GPC6: variants seen among roughly 807,000 people sequenced by gnomAD.
The protein encoded by GPC6 is glypican-6.
GPC6 carries 14 observed loss-of-function variants against 55.2 expected under a neutral mutation model. The ratio of observed to expected loss-of-function variants is 0.25; its 90% confidence interval spans 0.17 to 0.40. GPC6 has a LOEUF of 0.40. Among genes scored for constraint, GPC6 ranks in the 10% least tolerant of loss-of-function variants. The pLI is 1.00. For missense variants in GPC6, 641 were observed against 708.5 expected (o/e 0.90, Z 1.08); for synonymous variants, 278 against 259.6 (o/e 1.07, Z -0.68).
chr13:93,958,461 C>T (rs1879613200), intron 3 of GPC6, among the ~76,000 whole-genome samples: 1 of 152,096 alleles, frequency 6.6e-6, no homozygotes, highest in Admixed American at 6.6e-5. Context: ...GAGTCCTTTT[C>T]CCATTGCTCG....
chr13:94,244,746 T>C (rs1891149387), intron 4 of GPC6, among the ~76,000 whole-genome samples: 1 of 152,072 alleles, frequency 6.6e-6, no homozygotes, highest in South Asian at 2.1e-4. Flanking sequence ...TGTGATTTTT[T>C]TTAAATATGA....
At chr13:93,914,321 GT>G (rs1222798873) in intron 3 of GPC6, among the ~76,000 whole-genome samples, 2 of 151,924 alleles carry the variant, frequency 1.3e-5, no homozygotes, top group African/African-American at 4.8e-5. Context: ...GCGGTGTTTG[GT>G]TTTTTTGTCC....
At chr13:93,959,281 G>C (rs1245498607) in intron 3 of GPC6, among the ~76,000 whole-genome samples, 2 of 151,658 alleles carry the variant, frequency 1.3e-5, no homozygotes, top group African/African-American at 2.4e-5. Flanking sequence ...TCCTGCCTCA[G>C]CCTCCCAAGT....
At chr13:94,280,119 G>A (rs1043070652) in intron 4 of GPC6, among the ~76,000 whole-genome samples, 3 of 152,068 alleles carry the variant, frequency 2.0e-5, no homozygotes, top group Non-Finnish European at 2.9e-5. Flanking sequence ...ATAAATCTGG[G>A]TGCTCTTTGA....
At chr13:94,232,514 C>T (rs1437376278) in intron 4 of GPC6, among the ~76,000 whole-genome samples, 3 of 152,066 alleles carry the variant, frequency 2.0e-5, no homozygotes, top group Non-Finnish European at 4.4e-5. Flanking sequence ...CAATTGCCCC[C>T]CTTCAGGAGG....
At chr13:94,271,582 C>G (rs1892027902) in intron 4 of GPC6, among the ~76,000 whole-genome samples, 2 of 152,074 alleles carry the variant, frequency 1.3e-5, no homozygotes, top group African/African-American at 4.8e-5. Context: ...GTTTCCCCAA[C>G]CATTAAAGAG....
At chr13:93,321,345 C>G (rs1391017305) in intron 1 of GPC6, among the ~76,000 whole-genome samples, 1 of 152,098 alleles carries the variant, frequency 6.6e-6, no homozygotes, top group African/African-American at 2.4e-5. Flanking sequence ...TCCCTCCCCT[C>G]CATTTTCCTT....
At chr13:94,041,828 T>C (rs948318393) in intron 4 of GPC6, among the ~76,000 whole-genome samples, 1 of 151,906 alleles carries the variant, frequency 6.6e-6, no homozygotes, top group Non-Finnish European at 1.5e-5. Context: ...AATTATTTTT[T>C]AGCATTTGTT....
intron 2 of GPC6, among the ~76,000 whole-genome samples, chr13:93,767,904 A>C (rs2138887469): frequency 6.6e-6 from 1 of 152,264 alleles, no homozygotes; most frequent in South Asian, 2.1e-4. Flanking sequence ...TCTTCAAGCA[A>C]AAATTTAGTC....
At chr13:94,166,897 C>A (rs1383079068) in intron 4 of GPC6, among the ~76,000 whole-genome samples, 1 of 152,144 alleles carries the variant, frequency 6.6e-6, no homozygotes, top group Non-Finnish European at 1.5e-5. Context: ...GAATTACCTA[C>A]AATGATCAAA....
chr13:94,240,208 C>G (rs1449353389), intron 4 of GPC6, among the ~76,000 whole-genome samples: 6 of 152,044 alleles, frequency 3.9e-5, no homozygotes, highest in Non-Finnish European at 7.4e-5. Flanking sequence ...GATTTCACCC[C>G]CTCCTCACCT....
chr13:93,457,360 T>C (rs572798132), intron 1 of GPC6, among the ~76,000 whole-genome samples: 2 of 152,312 alleles, frequency 1.3e-5, no homozygotes, highest in Non-Finnish European at 2.9e-5. Context: ...CCAAATAAGG[T>C]CACATTCTGA....
intron 3 of GPC6, among the ~76,000 whole-genome samples, chr13:93,867,656 G>A (rs966787138): frequency 1.2e-4 from 18 of 151,632 alleles, no homozygotes; most frequent in Non-Finnish European, 2.5e-4. Flanking sequence ...AGCCTTGACC[G>A]CTGACATCAC....
intron 2 of GPC6, among the ~76,000 whole-genome samples, chr13:93,620,612 T>G (rs1342330116): frequency 1.3e-5 from 2 of 152,240 alleles, no homozygotes; most frequent in Non-Finnish European, 2.9e-5. Flanking sequence ...GTTGGTCTGA[T>G]GTTAGCAGCT....
intron 2 of GPC6, among the ~76,000 whole-genome samples, chr13:93,791,033 C>T (rs1594460165): frequency 6.6e-6 from 1 of 152,292 alleles, no homozygotes; most frequent in Middle Eastern, 3.4e-3. Flanking sequence ...GGAGGAGCCT[C>T]AACCGTTCCC....
At chr13:93,281,798 G>A (rs1877960822) in intron 1 of GPC6, among the ~76,000 whole-genome samples, 1 of 152,068 alleles carries the variant, frequency 6.6e-6, no homozygotes, top group African/African-American at 2.4e-5. Flanking sequence ...CGTGGGCGAC[G>A]GAGTGAGACT....
At chr13:93,294,372 G>A (rs1878414897) in intron 1 of GPC6, among the ~76,000 whole-genome samples, 1 of 152,056 alleles carries the variant, frequency 6.6e-6, no homozygotes, top group Non-Finnish European at 1.5e-5. Flanking sequence ...TAATGAATCT[G>A]TTATTTAGTA....
intron 2 of GPC6, among the ~76,000 whole-genome samples, chr13:93,712,936 T>A (rs912658664): frequency 6.6e-6 from 1 of 151,474 alleles, no homozygotes; most frequent in African/African-American, 2.4e-5. Flanking sequence ...TTTAAAAAAA[T>A]TTCTAAAAGT....
intron 1 of GPC6, among the ~76,000 whole-genome samples, chr13:93,380,939 G>T (rs1325243399): frequency 6.6e-6 from 1 of 152,088 alleles, no homozygotes; most frequent in Non-Finnish European, 1.5e-5. Flanking sequence ...ATTAACTCCA[G>T]ATAGTTGCCT....
Sources: allele counts gnomAD v4.1 joint callset (sites outside exome capture counted in the v4.1 genomes callset), GRCh38; gene constraint gnomAD v4.1.1; transcripts MANE v1.5; gene names NCBI Gene and HGNC (gene_info 2026-07-23, HGNC 2026-07-21).